The following RIMS2 variants were observed in gnomAD, a reference collection of about 807,000 sequenced individuals.
RIMS2 encodes the protein regulating synaptic membrane exocytosis 2, also known as regulating synaptic membrane exocytosis protein 2.
A neutral mutation model predicts 174.4 loss-of-function variants in RIMS2; 59 were observed. The ratio of observed to expected loss-of-function variants is 0.34; its 90% CI spans 0.27 to 0.42. RIMS2 has a LOEUF of 0.42. RIMS2 is among the 10% of genes least tolerant of loss of function. The pLI, the probability that RIMS2 is intolerant of heterozygous loss-of-function variation, is 1.00. For synonymous variants in RIMS2, 606 were observed against 572.5 expected (o/e 1.06, Z -0.84); for missense variants, 1,620 against 1,666.3 (o/e 0.97, Z 0.48).
At chr8:104,215,488 A>T (rs1417461303) in intron 19 of RIMS2, among the ~76,000 whole-genome samples, 2 of 152,274 alleles carry the variant, frequency 1.3e-5, no homozygotes, top group Admixed American at 6.5e-5. Flanking sequence ...AATATTGCAT[A>T]AAGTTATTGA....
intron 1 of RIMS2, among the ~76,000 whole-genome samples, chr8:103,562,552 G>A (rs2091757387): frequency 1.3e-5 from 2 of 152,230 alleles, no homozygotes; most frequent in South Asian, 4.1e-4. Flanking sequence ...GAAGGATACA[G>A]CCTCCCTCCC....
chr8:103,688,977 C>G (rs2096977783), intron 1 of RIMS2, among the ~76,000 whole-genome samples: 1 of 151,794 alleles, frequency 6.6e-6, no homozygotes, highest in Non-Finnish European at 1.5e-5. Context: ...TTTTTTTGAT[C>G]TACCCATTTA....
rs188568382 is a variant in RIMS2 at position 103,656,418 on chromosome 8, G to A, written c.177-40668G>A. ...ATGCATAAAATAACCTAGAGAGAGA[G>A]TGTGTGATAAAGAGCAGACACAAAG... On this transcript the variant is annotated intron_variant, in intron 1 of 23. Transcript: ENST00000504942. Among the ~76,000 whole-genome samples, 109 of 152,170 alleles carry A rather than the reference G, an allele frequency of 7.2e-4. 1 individual carries two copies. Among genetic ancestry groups the A allele is most frequent in the Admixed American group, 4.1e-3 (62 of 15,256 alleles).
At chr8:104,022,352 A>G (rs956825282) in intron 19 of RIMS2, among the ~76,000 whole-genome samples, 3 of 151,964 alleles carry the variant, frequency 2.0e-5, no homozygotes, top group Non-Finnish European at 4.4e-5. Context: ...GATTAGAAGC[A>G]AGATGGGGTC....
At chr8:103,939,842 G>A (rs929565195) in intron 13 of RIMS2, among the ~76,000 whole-genome samples, 1 of 152,150 alleles carries the variant, frequency 6.6e-6, no homozygotes, top group African/African-American at 2.4e-5. Flanking sequence ...GGGGTAAAGT[G>A]CCACCAGTCT....
At chr8:103,812,022 G>A (rs1441079784) in intron 3 of RIMS2, among the ~76,000 whole-genome samples, 1 of 152,158 alleles carries the variant, frequency 6.6e-6, no homozygotes, top group Admixed American at 6.6e-5. Context: ...GCAATGGTCA[G>A]AATTATGGAT....
chr8:104,250,894 G>A, intron 22 of RIMS2, 130 bp from the exon 29 acceptor site: 1 of 740,144 alleles, frequency 1.4e-6, no homozygotes, highest in Non-Finnish European at 2.3e-6. Context: ...TTGACAGAAT[G>A]CAGCTAGGCC....
At chr8:104,068,420 C>T in intron 19 of RIMS2, 92 bp from the exon 23 acceptor site, 2 of 580,578 alleles carry the variant, frequency 3.4e-6, no homozygotes, top group Non-Finnish European at 6.1e-6. Context: ...AGTAATATAC[C>T]AGCCTGGCTT....
intron 1 of RIMS2, among the ~76,000 whole-genome samples, chr8:103,510,407 T>C (rs1448958964): frequency 2.0e-5 from 3 of 152,196 alleles, no homozygotes; most frequent in Non-Finnish European, 2.9e-5. Flanking sequence ...TTAATACTTC[T>C]ATTAGCACAC....
chr8:103,947,628 G>A (rs1375378863), intron 14 of RIMS2, among the ~76,000 whole-genome samples: 2 of 152,140 alleles, frequency 1.3e-5, no homozygotes, highest in Admixed American at 6.5e-5. Context: ...AATGATATAC[G>A]TGAATAGGGT....
intron 16 of RIMS2, among the ~76,000 whole-genome samples, chr8:103,984,234 G>T (rs2094171293): frequency 6.6e-6 from 1 of 151,920 alleles, no homozygotes; most frequent in Admixed American, 6.6e-5. Flanking sequence ...AAAAGCTTCT[G>T]CACAGCAAAG....
chr8:103,691,201 C>A (rs968363090), intron 1 of RIMS2, among the ~76,000 whole-genome samples: 5 of 152,132 alleles, frequency 3.3e-5, no homozygotes, highest in Non-Finnish European at 7.4e-5. Context: ...TGTTCTGTAA[C>A]TTGCTTGTGC....
chr8:103,931,811 C>G (rs979330479), intron 12 of RIMS2, among the ~76,000 whole-genome samples: 1 of 151,998 alleles, frequency 6.6e-6, no homozygotes, highest in South Asian at 2.1e-4. Flanking sequence ...TCTACTTCCT[C>G]TTACCAAGAT....
At chr8:104,160,005 G>A (rs1248159155) in intron 19 of RIMS2, among the ~76,000 whole-genome samples, 6 of 152,002 alleles carry the variant, frequency 3.9e-5, no homozygotes, top group African/African-American at 1.4e-4. Context: ...TGGGCATGGT[G>A]GCTGGCACCT....
chr8:103,943,008 A>G (rs2082891195), intron 14 of RIMS2, 82 bp downstream of exon 16: 3 of 971,400 alleles, frequency 3.1e-6, no homozygotes, highest in Non-Finnish European at 4.6e-6. Flanking sequence ...ACTTGAAGAT[A>G]TCTTTGTGAA....
rs1675395048 is a variant in RIMS2 at position 103,671,553 on chromosome 8, GTCCTTTCTA to G, written c.177-25532_177-25524del. 7.2e-5 allele frequency among the ~76,000 whole-genome samples: 11 copies of G among 152,224 alleles called. No homozygotes were observed. The South Asian group carries it at 2.3e-3, about 32-fold the overall frequency. On this transcript the variant is annotated intron_variant, in intron 1 of 23. Coordinates refer to ENST00000504942, the Ensembl canonical transcript of RIMS2. ...CCTGTATTCAAAGGTGCTTCTTATG[GTCCTTTCTA>G]CCCTTTCCATGAACTTCCATGAAGA... is the stretch of plus-strand genomic sequence containing the variant.
chr8:103,714,314 A>G (rs2097343301), intron 2 of RIMS2, among the ~76,000 whole-genome samples: 1 of 152,314 alleles, frequency 6.6e-6, no homozygotes, highest in Middle Eastern at 3.4e-3. Context: ...ATGGAAGATA[A>G]CAATCTAAAC....
At chr8:103,556,568 T>G (rs2131803755) in intron 1 of RIMS2, among the ~76,000 whole-genome samples, 1 of 152,322 alleles carries the variant, frequency 6.6e-6, no homozygotes, top group East Asian at 1.9e-4. Flanking sequence ...CATCTAAGTC[T>G]TTTGAATTTA....
intron 17 of RIMS2, among the ~76,000 whole-genome samples, chr8:104,000,305 G>T (rs1596762485): frequency 6.6e-6 from 1 of 151,628 alleles, no homozygotes; most frequent in African/African-American, 2.4e-5. Context: ...TGCAATATTT[G>T]TCTTTCCGTG....
Sources: gnomAD v4.1 joint callset for allele counts (sites outside exome capture counted in the v4.1 genomes callset) on GRCh38, gnomAD v4.1.1 for gene constraint, MANE v1.5 for transcripts, NCBI Gene and HGNC (gene_info 2026-07-23, HGNC 2026-07-21) for gene names.